The following ARPP21 variants were observed in gnomAD, a reference collection of about 807,000 sequenced individuals.
ARPP21 encodes cAMP-regulated phosphoprotein 21.
A neutral mutation model predicts 113.2 loss-of-function variants in ARPP21; 69 were observed. That is an observed-to-expected ratio of 0.61 (90% CI 0.50 to 0.74). The LOEUF is 0.74. Ranked by LOEUF, ARPP21 falls within the 30% of genes least tolerant of loss-of-function variation. ARPP21 has a pLI of 0.00. For missense variants in ARPP21, 1,070 were observed against 1,037.4 expected, an observed-to-expected ratio of 1.03 and a Z score of -0.43; for synonymous variants, 368 against 375.5, an observed-to-expected ratio of 0.98 and a Z score of 0.23.
intron 1 of ARPP21, among the ~76,000 whole-genome samples, chr3:35,657,870 C>A (rs1487899604): frequency 1.3e-5 from 2 of 152,070 alleles, no homozygotes; most frequent in African/African-American, 2.4e-5. Context: ...AACATTTGGG[C>A]CTTGGACCAG....
intron 13 of ARPP21, among the ~76,000 whole-genome samples, chr3:35,718,288 C>G (rs533258343): frequency 3.3e-5 from 5 of 152,252 alleles, no homozygotes; most frequent in Non-Finnish European, 1.5e-5. Flanking sequence ...ACTTCTTTCA[C>G]TTTTCTAGAT....
intron 1 of ARPP21, chr3:35,641,550 C>T (rs1352848294): frequency 3.9e-5 from 6 of 152,118 alleles, no homozygotes; most frequent in African/African-American, 1.4e-4. Context: ...TCATGAAAGA[C>T]AGTCATTTGG....
At chr3:35,674,867 A>G (rs2077106966) in intron 1 of ARPP21, among the ~76,000 whole-genome samples, 1 of 151,922 alleles carries the variant, frequency 6.6e-6, no homozygotes, top group Non-Finnish European at 1.5e-5. Flanking sequence ...GAGAAAAGAT[A>G]GCGGTCCTGT....
intron 3 of ARPP21, chr3:35,682,628 C>G (rs2149481152): frequency 2.2e-6 from 1 of 452,690 alleles, no homozygotes; most frequent in East Asian, 3.4e-5. Flanking sequence ...TTGTTATAAA[C>G]AGAAAAGAGC....
intron 9 of ARPP21, among the ~76,000 whole-genome samples, chr3:35,692,844 T>C (rs1056690477): frequency 1.1e-4 from 17 of 151,826 alleles, no homozygotes; most frequent in Non-Finnish European, 1.0e-4. Context: ...GTGAGCCACA[T>C]TTCAAGCAGC....
intron 19 of ARPP21, among the ~76,000 whole-genome samples, chr3:35,748,092 A>AAGAAAG (rs1553720367): frequency 9.0e-5 from 12 of 133,550 alleles, no homozygotes; most frequent in South Asian, 2.3e-4. Context: ...GAAAGAAAGA[A>AAGAAAG]AGAAAGAAAG....
At chr3:35,721,438 T>C (rs1480419856) in intron 13 of ARPP21, among the ~76,000 whole-genome samples, 167 bp from the exon 14 acceptor site, 1 of 152,188 alleles carries the variant, frequency 6.6e-6, no homozygotes, top group Non-Finnish European at 1.5e-5. Flanking sequence ...TGTCTATACA[T>C]CATCAAAGTA....
intron 14 of ARPP21, among the ~76,000 whole-genome samples, chr3:35,728,215 CTTTTTTTTTTTT>C: frequency 9.5e-6 from 1 of 105,168 alleles, no homozygotes; most frequent in South Asian, 3.3e-4. Flanking sequence ...GATTCCTTGC[CTTTTTTTTTTTT>C]TTTTTTTTTT....
chr3:35,737,220 A>T lies in ARPP21; in HGVS notation c.1502A>T (p.Asn501Ile). 4.3e-6 allele frequency: 7 copies of T among 1,612,464 alleles called. No individual in the cohort carries two copies. The highest frequency in any genetic ancestry group is 5.9e-6 in the Non-Finnish European group (7 of 1,179,034). ...CCCGATGGAACTCCTGCAATATACA[A>T]CCCACCCACCAGTCAGCAGCCCCTG... ...VNPDGTPAIY[N>I]PPTSQQPLRS... The change falls in exon 16 of 21, where the codon AAC (asparagine) becomes ATC (isoleucine). Residue 501 changes from asparagine to isoleucine, a missense_variant. Coordinates refer to ENST00000684406, the MANE Select transcript of ARPP21 (RefSeq NM_001385562.1).
At chr3:35,696,430 T>C (rs2084045215) in intron 9 of ARPP21, among the ~76,000 whole-genome samples, 1 of 151,528 alleles carries the variant, frequency 6.6e-6, no homozygotes, top group Non-Finnish European at 1.5e-5. Context: ...ATGTGACCAG[T>C]AGCCTCCAAC....
chr3:35,695,579 C>G (rs993303818), intron 9 of ARPP21, among the ~76,000 whole-genome samples: 12 of 151,500 alleles, frequency 7.9e-5, no homozygotes, highest in South Asian at 2.1e-4. Context: ...ACTGAAGGAA[C>G]AGTATACCAA....
At chr3:35,654,752 G>A (rs1407902866) in intron 1 of ARPP21, among the ~76,000 whole-genome samples, 2 of 152,032 alleles carry the variant, frequency 1.3e-5, no homozygotes, top group Non-Finnish European at 1.5e-5. Context: ...CTCAGATAAA[G>A]GAAGTGGTGA....
intron 19 of ARPP21, among the ~76,000 whole-genome samples, chr3:35,752,118 A>G (rs922905174): frequency 7.9e-5 from 12 of 152,142 alleles, no homozygotes; most frequent in Middle Eastern, 3.2e-3. Flanking sequence ...CAGATAAATC[A>G]GGTTGCAATG....
chr3:35,675,265 C>T (rs2077200689), intron 1 of ARPP21, among the ~76,000 whole-genome samples: 1 of 151,576 alleles, frequency 6.6e-6, no homozygotes, highest in East Asian at 2.0e-4. Flanking sequence ...GGTGATTTGC[C>T]TGTATGGGTT....
intron 1 of ARPP21, among the ~76,000 whole-genome samples, chr3:35,672,292 C>T (rs905308317): frequency 6.6e-6 from 1 of 152,040 alleles, no homozygotes; most frequent in Admixed American, 6.6e-5. Flanking sequence ...ATAAATATGC[C>T]TAGCTCTCTG....
intron 18 of ARPP21, among the ~76,000 whole-genome samples, chr3:35,742,547 A>G (rs528008459): frequency 2.7e-4 from 41 of 152,220 alleles, no homozygotes; most frequent in Admixed American, 2.1e-3. Context: ...TTGAATATCC[A>G]TATGTTATGT....
chr3:35,669,119 G>A (rs924495533), intron 1 of ARPP21, among the ~76,000 whole-genome samples: 1 of 151,694 alleles, frequency 6.6e-6, no homozygotes. Flanking sequence ...TTGACAGTTG[G>A]GTCTTCCTTC....
At chr3:35,718,675 A>C (rs888652812) in intron 13 of ARPP21, among the ~76,000 whole-genome samples, 1 of 152,210 alleles carries the variant, frequency 6.6e-6, no homozygotes, top group Non-Finnish European at 1.5e-5. Flanking sequence ...AAGCAATTCA[A>C]GATGTAGATC....
intron 1 of ARPP21, chr3:35,641,423 T>A (rs961299818): frequency 6.6e-6 from 1 of 152,240 alleles, no homozygotes; most frequent in African/African-American, 2.4e-5. Context: ...ATTTTTCATT[T>A]GTTAAAAATC....
Sources: allele counts gnomAD v4.1 joint callset (sites outside exome capture counted in the v4.1 genomes callset), GRCh38; gene constraint gnomAD v4.1.1; transcripts MANE v1.5; gene names NCBI Gene and HGNC (gene_info 2026-07-23, HGNC 2026-07-21).